ERO1A: variants seen among roughly 807,000 people sequenced by gnomAD.
The protein encoded by ERO1A is ERO1-like protein alpha.
In ERO1A, 49 loss-of-function variants were observed where a neutral mutation model predicts 76.9. The ratio of observed to expected loss-of-function variants is 0.64; its 90% CI spans 0.51 to 0.81. The LOEUF is 0.81. Among genes scored for constraint, ERO1A ranks in the 30% least tolerant of loss-of-function variants. ERO1A has a pLI of 0.00. For missense variants in ERO1A, 448 were observed against 542.1 expected, an observed-to-expected ratio of 0.83 and a Z score of 1.72; for synonymous variants, 174 against 181.2, an observed-to-expected ratio of 0.96 and a Z score of 0.32.
intron 6 of ERO1A, among the ~76,000 whole-genome samples, chr14:52,667,221 C>A (rs1445126073): frequency 6.6e-6 from 1 of 152,124 alleles, no homozygotes; most frequent in African/African-American, 2.4e-5. Context: ...ACCAGCAGAT[C>A]CAATCTGGCC....
chr14:52,668,480 G>GGTTA (rs2040488645), intron 6 of ERO1A, among the ~76,000 whole-genome samples: 1 of 151,896 alleles, frequency 6.6e-6, no homozygotes, highest in African/African-American at 2.4e-5. Flanking sequence ...GGGAGACAGA[G>GGTTA]GTTACAGTGA....
chr14:52,674,727 T>C (rs1404719282), intron 4 of ERO1A, among the ~76,000 whole-genome samples: 1 of 151,742 alleles, frequency 6.6e-6, no homozygotes, highest in Non-Finnish European at 1.5e-5. Context: ...GAAGAAGGAG[T>C]GTGGTTTGAA....
intron 7 of ERO1A, chr14:52,664,113 G>A (rs1318514946): frequency 3.7e-6 from 1 of 271,242 alleles, no homozygotes; most frequent in Non-Finnish European, 7.0e-6. Context: ...TATCAGCCAA[G>A]CTCTTCTCTC....
At chr14:52,646,072 C>G in intron 15 of ERO1A, 82 bp downstream of exon 15, 1 of 1,418,736 alleles carries the variant, frequency 7.0e-7, no homozygotes, top group Non-Finnish European at 9.5e-7. Context: ...AAGGATATTC[C>G]TTACCCAGTT....
intron 8 of ERO1A, 63 bp downstream of exon 8, chr14:52,663,738 C>A: frequency 1.0e-6 from 1 of 973,592 alleles, no homozygotes; most frequent in Non-Finnish European, 1.6e-6. Flanking sequence ...CTTGCCTTCC[C>A]CTTCCTTTGA....
chr14:52,666,902 G>C (rs1016878166), intron 6 of ERO1A, among the ~76,000 whole-genome samples: 3 of 152,218 alleles, frequency 2.0e-5, no homozygotes, highest in Non-Finnish European at 4.4e-5. Context: ...CTGTGCTCCA[G>C]CTTGGGTGAC....
chr14:52,644,413 G>A lies in ERO1A; in HGVS notation c.1347-783C>T, dbSNP rs958395719. ...GGTTTCCGTAAACTGAGATCACGTCGGTCAATCAATCAATCAAATACATAA... is the reference window on the plus strand; with the variant it reads ...GGTTTCCGTAAACTGAGATCACGTCAGTCAATCAATCAATCAAATACATAA... On this transcript the variant is annotated intron_variant, in intron 15 of 15. Coordinates refer to ENST00000395686, the MANE Select transcript of ERO1A (RefSeq NM_014584.3). Among the ~76,000 whole-genome samples the A allele has an allele frequency of 2.6e-5, 4 of 151,932 alleles. 1 individual carries two copies. The highest frequency in any genetic ancestry group is 4.2e-4 in the South Asian group (2 of 4,806).
chr14:52,677,346 TATATATA>T (rs2040820265), intron 4 of ERO1A, among the ~76,000 whole-genome samples: 1 of 152,076 alleles, frequency 6.6e-6, no homozygotes, highest in South Asian at 2.1e-4. Flanking sequence ...GTAACTCCTA[TATATATA>T]ATATATATCA....
At chr14:52,688,189 A>C (rs1377655627) in intron 1 of ERO1A, among the ~76,000 whole-genome samples, 1 of 152,106 alleles carries the variant, frequency 6.6e-6, no homozygotes, top group Non-Finnish European at 1.5e-5. Context: ...TTGCCTCAAA[A>C]AAATAGAAAA....
At chr14:52,668,527 G>A (rs145030013) in intron 6 of ERO1A, among the ~76,000 whole-genome samples, 7 of 151,518 alleles carry the variant, frequency 4.6e-5, no homozygotes, top group Non-Finnish European at 7.4e-5. Context: ...CCTGGGCAAC[G>A]AGAATGAAAC....
Position 52,670,274 on chromosome 14 carries a change from T to C in ERO1A, c.508+1356A>G, listed in dbSNP as rs756504734. 6.1e-4 allele frequency among the ~76,000 whole-genome samples: 93 copies of C among 152,354 alleles called. 1 individual carries two copies. Among genetic ancestry groups the C allele is most frequent in the Non-Finnish European group, 1.1e-3 (77 of 68,028 alleles). ...AGAAGAATACCAAGACTCAATTTGA[T>C]TTATTTTTTTTAGTGAATTAAGAGG... On this transcript the variant is annotated intron_variant, in intron 6 of 15. Coordinates refer to ENST00000395686, the MANE Select transcript of ERO1A (RefSeq NM_014584.3).
intron 3 of ERO1A, 97 bp downstream of exon 3, chr14:52,682,228 T>C (rs2041019832): frequency 7.3e-6 from 7 of 964,846 alleles, no homozygotes; most frequent in East Asian, 2.7e-5. Flanking sequence ...ACCTCATCTC[T>C]ATTTTTTCAA....
chr14:52,691,599 T>A (rs2041356554), intron 1 of ERO1A, among the ~76,000 whole-genome samples: 1 of 152,216 alleles, frequency 6.6e-6, no homozygotes, highest in Non-Finnish European at 1.5e-5. Flanking sequence ...AACCATTGTT[T>A]CAACTGACCT....
intron 13 of ERO1A, among the ~76,000 whole-genome samples, chr14:52,651,519 T>A (rs2039867266): frequency 7.2e-6 from 1 of 138,494 alleles, no homozygotes; most frequent in Non-Finnish European, 1.6e-5. Context: ...CAGTGTTACT[T>A]TGAATATAAT....
Position 52,658,025 on chromosome 14 carries a change from G to A in ERO1A, c.716-16C>T, listed in dbSNP as rs2040108522. On this transcript the variant is annotated splice_polypyrimidine_tract_variant and intron_variant, in intron 10 of 15. Transcript: ENST00000395686. ...ACACAGAGACCTAAGAAAAAGCAGT[G>A]ACTTAGAAATAAAATTTCATATGTG... 6.4e-7 allele frequency: 1 copy of A among 1,570,596 alleles called. No homozygotes were observed. The highest frequency in any genetic ancestry group is 1.4e-5 in the African/African-American group (1 of 73,602).
intron 13 of ERO1A, among the ~76,000 whole-genome samples, chr14:52,650,848 G>C (rs1019742327): frequency 1.3e-5 from 2 of 152,148 alleles, no homozygotes; most frequent in Non-Finnish European, 1.5e-5. Flanking sequence ...ACTCAGAGAT[G>C]GTCTTGCCTG....
At chr14:52,692,303 C>T (rs554044802) in intron 1 of ERO1A, among the ~76,000 whole-genome samples, 2 of 152,276 alleles carry the variant, frequency 1.3e-5, no homozygotes, top group African/African-American at 4.8e-5. Context: ...TAGAGCTCTA[C>T]ACATTTTAAT....
In ERO1A at chr14:52,658,161, A is replaced by C. The variant is rs754651346; in HGVS notation, c.689-11T>G. 1.3e-6 allele frequency: 2 copies of C among 1,481,914 alleles called. No individual in the cohort carries two copies. The highest frequency in any genetic ancestry group is 1.9e-6 in the Non-Finnish European group (2 of 1,079,896). The allele number at this position is 1,481,914 out of a possible 1,614,324, so 91.8% of individuals were successfully genotyped here. A position where few individuals can be genotyped will look rare whatever the true frequency, so the allele number is the denominator to read the frequency against. On this transcript the variant is annotated splice_polypyrimidine_tract_variant and intron_variant, in intron 9 of 15. Coordinates refer to ENST00000395686, the MANE Select transcript of ERO1A (RefSeq NM_014584.3). ...TGTAAAAAGTGTTCTCTGAAATCAA[A>C]AGAAAAATAAGTCATAAGAATAGAA...
intron 3 of ERO1A, among the ~76,000 whole-genome samples, chr14:52,679,782 G>A (rs546045183): frequency 3.9e-4 from 59 of 152,216 alleles, no homozygotes; most frequent in African/African-American, 1.2e-3. Flanking sequence ...CAGGTACAGC[G>A]GCTTATGCCC....
Sources: gnomAD v4.1 joint callset for allele counts (sites outside exome capture counted in the v4.1 genomes callset) on GRCh38, gnomAD v4.1.1 for gene constraint, MANE v1.5 for transcripts, NCBI Gene and HGNC (gene_info 2026-07-23, HGNC 2026-07-21) for gene names.